Variants in PRKD1 observed in about 807,000 individuals in gnomAD.
The protein encoded by PRKD1 is serine/threonine-protein kinase D1.
Under a neutral mutation model 95.9 loss-of-function variants are expected in PRKD1, and 63 were observed. That is an observed-to-expected ratio of 0.66 (90% CI 0.54 to 0.81). The LOEUF (loss-of-function observed/expected upper bound fraction) is 0.81. Ranked by LOEUF, PRKD1 falls within the 30% of genes least tolerant of loss-of-function variation. The pLI, the probability that PRKD1 is intolerant of heterozygous loss-of-function variation, is 0.00. For synonymous variants in PRKD1, 425 were observed against 423.1 expected, an observed-to-expected ratio of 1.00 and a Z score of -0.05; for missense variants, 1,048 against 1,165.3, an observed-to-expected ratio of 0.90 and a Z score of 1.47.
intron 1 of PRKD1, among the ~76,000 whole-genome samples, chr14:29,726,480 GGAAAAA>G (rs1207091278): frequency 3.3e-5 from 5 of 151,920 alleles, no homozygotes; most frequent in Admixed American, 6.6e-5. Flanking sequence ...GCAAACTCAG[GGAAAAA>G]GAAAATTATC....
intron 2 of PRKD1, among the ~76,000 whole-genome samples, chr14:29,722,055 G>T (rs548885790): frequency 1.3e-5 from 2 of 152,114 alleles, no homozygotes; most frequent in East Asian, 3.9e-4. Flanking sequence ...GTTGTCTGAA[G>T]AAATAAAATT....
chr14:29,704,522 T>C (rs1884985702), intron 2 of PRKD1, among the ~76,000 whole-genome samples: 1 of 152,120 alleles, frequency 6.6e-6, no homozygotes, highest in Non-Finnish European at 1.5e-5. Context: ...CAAAAAGCCT[T>C]CAAAGAGGGC....
intron 4 of PRKD1, among the ~76,000 whole-genome samples, chr14:29,652,187 G>A (rs1881549519): frequency 6.6e-6 from 1 of 152,156 alleles, no homozygotes; most frequent in Admixed American, 6.5e-5. Flanking sequence ...TCCTAACAGT[G>A]GAAGGCTCTG....
chr14:29,857,274 C>T (rs978376944), intron 1 of PRKD1, among the ~76,000 whole-genome samples: 2 of 152,146 alleles, frequency 1.3e-5, no homozygotes, highest in Admixed American at 6.5e-5. Context: ...AGCATGAACC[C>T]TATCCACACT....
intron 2 of PRKD1, among the ~76,000 whole-genome samples, chr14:29,679,629 G>A (rs999500135): frequency 8.5e-5 from 13 of 152,092 alleles, no homozygotes; most frequent in African/African-American, 3.1e-4. Context: ...AAGTGAACAC[G>A]GATTTGGAGA....
intron 1 of PRKD1, among the ~76,000 whole-genome samples, chr14:29,921,798 C>A (rs1222555863): frequency 6.6e-6 from 1 of 152,042 alleles, no homozygotes; most frequent in Non-Finnish European, 1.5e-5. Context: ...GTAACCCCCA[C>A]CACCACCACC....
At chr14:29,737,362 A>AAAAAAAAC (rs1886781112) in intron 1 of PRKD1, among the ~76,000 whole-genome samples, 1 of 132,584 alleles carries the variant, frequency 7.5e-6, no homozygotes, top group Admixed American at 7.7e-5. Flanking sequence ...AAAAAAAAAA[A>AAAAAAAAC]TACTCTGCCA....
chr14:29,733,389 C>T (rs1005071805), intron 1 of PRKD1, among the ~76,000 whole-genome samples: 1 of 152,050 alleles, frequency 6.6e-6, no homozygotes, highest in East Asian at 1.9e-4. Flanking sequence ...AGTGAGCTAC[C>T]GTGCCCGGCC....
At chr14:29,854,555 A>C (rs1594579336) in intron 1 of PRKD1, among the ~76,000 whole-genome samples, 1 of 152,340 alleles carries the variant, frequency 6.6e-6, no homozygotes, top group African/African-American at 2.4e-5. Context: ...AGAGCATAAA[A>C]ATTCAGAAAA....
At chr14:29,651,647 T>A (rs1336236817) in intron 4 of PRKD1, among the ~76,000 whole-genome samples, 1 of 151,192 alleles carries the variant, frequency 6.6e-6, no homozygotes, top group Non-Finnish European at 1.5e-5. Context: ...TATAGAAATC[T>A]TTCTTTTTTT....
chr14:29,699,080 A>C (rs777473944), intron 2 of PRKD1, among the ~76,000 whole-genome samples: 5 of 152,204 alleles, frequency 3.3e-5, no homozygotes, highest in African/African-American at 4.8e-5. Context: ...ACATATCAAA[A>C]TTTGGTTACC....
chr14:29,744,388 A>T (rs1290190743), intron 1 of PRKD1, among the ~76,000 whole-genome samples: 2 of 152,132 alleles, frequency 1.3e-5, no homozygotes, highest in Non-Finnish European at 2.9e-5. Context: ...CATTAAAAGC[A>T]CAATATACTC....
At chr14:29,741,932 G>A (rs1381181887) in intron 1 of PRKD1, among the ~76,000 whole-genome samples, 5 of 151,848 alleles carry the variant, frequency 3.3e-5, no homozygotes, top group Non-Finnish European at 7.4e-5. Flanking sequence ...CTAGAATCAA[G>A]CAAGGGCCAT....
At chr14:29,608,446 T>C (rs1046918711) in intron 13 of PRKD1, among the ~76,000 whole-genome samples, 7 of 152,166 alleles carry the variant, frequency 4.6e-5, no homozygotes, top group Non-Finnish European at 7.4e-5. Context: ...TATGCTGATA[T>C]ATAAGGGAAA....
At chr14:29,910,375 G>A (rs954514626) in intron 1 of PRKD1, among the ~76,000 whole-genome samples, 1 of 152,096 alleles carries the variant, frequency 6.6e-6, no homozygotes, top group African/African-American at 2.4e-5. Context: ...ACATCAGAAG[G>A]AACAAACTCT....
chr14:29,770,313 T>C (rs978609853), intron 1 of PRKD1, among the ~76,000 whole-genome samples: 1 of 152,098 alleles, frequency 6.6e-6, no homozygotes, highest in Non-Finnish European at 1.5e-5. Context: ...CCGCTAGAAA[T>C]GGGTAATGAG....
intron 1 of PRKD1, among the ~76,000 whole-genome samples, chr14:29,846,856 G>T (rs988911927): frequency 6.6e-6 from 1 of 152,210 alleles, no homozygotes; most frequent in Non-Finnish European, 1.5e-5. Context: ...ACTTGCTGAT[G>T]AACTGGATAT....
intron 2 of PRKD1, among the ~76,000 whole-genome samples, chr14:29,719,135 T>G (rs971894126): frequency 1.3e-5 from 2 of 152,270 alleles, no homozygotes; most frequent in Middle Eastern, 3.4e-3. Flanking sequence ...TGAATCGTAG[T>G]AGGAGTAAAA....
chr14:29,701,371 G>T (rs1377866900), intron 2 of PRKD1, among the ~76,000 whole-genome samples: 2 of 152,184 alleles, frequency 1.3e-5, no homozygotes, highest in African/African-American at 4.8e-5. Context: ...GAGAAGCAAT[G>T]CCGTAATGAT....
Sources: gnomAD v4.1 joint callset for allele counts (sites outside exome capture counted in the v4.1 genomes callset) on GRCh38, gnomAD v4.1.1 for gene constraint, MANE v1.5 for transcripts, NCBI Gene and HGNC (gene_info 2026-07-23, HGNC 2026-07-21) for gene names.